Variants in TBL1X observed in about 807,000 individuals in gnomAD.
TBL1X encodes F-box-like/WD repeat-containing protein TBL1X.
Under a neutral mutation model 50.7 loss-of-function variants are expected in TBL1X, and 10 were observed. The observed-to-expected ratio is 0.20, with a 90% confidence interval of 0.12 to 0.33. TBL1X has a LOEUF of 0.33. Among genes scored for constraint, TBL1X ranks in the 10% least tolerant of loss-of-function variants. The pLI is 1.00. For synonymous variants in TBL1X, 190 were observed against 214.7 expected (o/e 0.88, Z 1.01); for missense variants, 340 against 504.4 (o/e 0.67, Z 3.12).
intron 2 of TBL1X, among the ~76,000 whole-genome samples, chrX:9,519,063 G>A (rs976640147): frequency 6.3e-5 from 7 of 111,050 alleles, no homozygotes; most frequent in African/African-American, 2.0e-4. Flanking sequence ...TTAGATGGTT[G>A]TGTCACCTTG....
At chrX:9,532,798 A>T (rs931992740) in intron 2 of TBL1X, among the ~76,000 whole-genome samples, 2 of 111,122 alleles carry the variant, frequency 1.8e-5, no homozygotes, top group East Asian at 5.7e-4. Flanking sequence ...GGCCCGTCCT[A>T]ATGACCTCAT....
At chrX:9,697,499 C>T (rs771037993) in intron 12 of TBL1X, 70 bp downstream of exon 12, 3 of 1,185,588 alleles carry the variant, frequency 2.5e-6, no homozygotes, top group African/African-American at 1.8e-5. Context: ...AGGTCGAGCC[C>T]AGTGGCTTAC....
At chrX:9,596,787 G>A (rs1164480527) in intron 2 of TBL1X, among the ~76,000 whole-genome samples, 2 of 111,285 alleles carry the variant, frequency 1.8e-5, no homozygotes, top group Admixed American at 1.9e-4. Flanking sequence ...TTGGCTTTTT[G>A]TAGGGGCACA....
intron 5 of TBL1X, among the ~76,000 whole-genome samples, chrX:9,658,972 C>T (rs982886115): frequency 1.8e-5 from 2 of 111,100 alleles, no homozygotes; most frequent in Admixed American, 9.5e-5. Flanking sequence ...AAATTATGCC[C>T]AGCTAATTTC....
intron 1 of TBL1X, among the ~76,000 whole-genome samples, chrX:9,476,741 A>C (rs1986375869): frequency 2.0e-5 from 2 of 98,772 alleles, no homozygotes; most frequent in Non-Finnish European, 4.0e-5. Flanking sequence ...TTGTTGAAGC[A>C]CCATCTACAT....
chrX:9,659,082 A>G (rs1411798995), intron 5 of TBL1X, among the ~76,000 whole-genome samples: 1 of 111,018 alleles, frequency 9.0e-6, no homozygotes, highest in Non-Finnish European at 1.9e-5. Context: ...CCCCGGCCTC[A>G]TAAAGTGCTG....
At chrX:9,610,106 A>G (rs2082606074) in intron 2 of TBL1X, among the ~76,000 whole-genome samples, 1 of 112,293 alleles carries the variant, frequency 8.9e-6, no homozygotes, top group Non-Finnish European at 1.9e-5. Context: ...GAAAGCAAGA[A>G]GAAGCTAGCA....
At chrX:9,640,246 G>A (rs1168292117) in intron 2 of TBL1X, 27 bp from the exon 3 acceptor site, 1 of 112,162 alleles carries the variant, frequency 8.9e-6, no homozygotes, top group East Asian at 2.8e-4. Flanking sequence ...TAAGTCTTTT[G>A]TTTCAAACCT....
chrX:9,511,788 C>T (rs1253324131), intron 2 of TBL1X, among the ~76,000 whole-genome samples: 4 of 112,073 alleles, frequency 3.6e-5, no homozygotes, highest in Non-Finnish European at 5.6e-5. Context: ...AGGCCAAAAC[C>T]GATGGATGCT....
chrX:9,646,147 T>C (rs1025750144), intron 3 of TBL1X, among the ~76,000 whole-genome samples: 8 of 112,819 alleles, frequency 7.1e-5, no homozygotes, highest in Non-Finnish European at 1.5e-4. Context: ...ATAGCTAGCA[T>C]ACAATCCATG....
intron 2 of TBL1X, among the ~76,000 whole-genome samples, chrX:9,516,844 T>G (rs1165070820): frequency 8.9e-6 from 1 of 112,258 alleles, no homozygotes; most frequent in Non-Finnish European, 1.9e-5. Context: ...TTTCCTGATA[T>G]TCAGCAATTT....
intron 3 of TBL1X, among the ~76,000 whole-genome samples, chrX:9,650,804 A>G (rs1325660441): frequency 8.9e-6 from 1 of 111,765 alleles, no homozygotes; most frequent in Non-Finnish European, 1.9e-5. Context: ...TGAAAATGTA[A>G]TTGCTCAACT....
chrX:9,539,266 CAGATT>C (rs1201511604), intron 2 of TBL1X, among the ~76,000 whole-genome samples: 1 of 111,494 alleles, frequency 9.0e-6, no homozygotes, highest in Non-Finnish European at 1.9e-5. Flanking sequence ...GAGAGTTACT[CAGATT>C]AGGGTGCATT....
chrX:9,675,288 T>A (rs1344745291), intron 5 of TBL1X, among the ~76,000 whole-genome samples: 6 of 111,468 alleles, frequency 5.4e-5, no homozygotes, highest in Admixed American at 4.8e-4. Flanking sequence ...GCCATCTTGG[T>A]GATGCGGACC....
chrX:9,692,787 C>T (rs1390643771), intron 9 of TBL1X, among the ~76,000 whole-genome samples: 3 of 112,416 alleles, frequency 2.7e-5, no homozygotes, highest in Non-Finnish European at 5.6e-5. Context: ...TATCTTTGCA[C>T]GTGAGCATGC....
intron 2 of TBL1X, among the ~76,000 whole-genome samples, chrX:9,524,341 A>G (rs1220415002): frequency 9.0e-6 from 1 of 110,678 alleles, no homozygotes; most frequent in Admixed American, 9.6e-5. Flanking sequence ...AACCTCCAGA[A>G]CTCCTTTTGT....
intron 1 of TBL1X, among the ~76,000 whole-genome samples, chrX:9,492,857 G>T (rs1213165182): frequency 4.9e-5 from 2 of 40,571 alleles, no homozygotes; most frequent in African/African-American, 2.2e-4. Flanking sequence ...GTGTGTGTGT[G>T]TGTGTGTGTG....
At chrX:9,476,091 C>T (rs767022988) in intron 1 of TBL1X, among the ~76,000 whole-genome samples, 4 of 111,783 alleles carry the variant, frequency 3.6e-5, no homozygotes, top group Non-Finnish European at 7.5e-5. Flanking sequence ...CCTGTTGCTT[C>T]TCTTTATGGT....
At chrX:9,698,473 T>A (rs1002621002) in intron 12 of TBL1X, among the ~76,000 whole-genome samples, 13 of 111,987 alleles carry the variant, frequency 1.2e-4, no homozygotes, top group African/African-American at 4.2e-4. Context: ...CCCAGTGGAC[T>A]CTCACAGGCC....
Sources: allele counts gnomAD v4.1 joint callset (sites outside exome capture counted in the v4.1 genomes callset), GRCh38; gene constraint gnomAD v4.1.1; transcripts MANE v1.5; gene names NCBI Gene and HGNC (gene_info 2026-07-23, HGNC 2026-07-21).